The following PKD1L1 variants were observed in gnomAD, a reference collection of about 807,000 sequenced individuals.
PKD1L1 encodes the protein polycystin 1 like 1, transient receptor potential channel interacting.
PKD1L1 carries 236 observed loss-of-function variants against 323.4 expected under a neutral mutation model. That is an observed-to-expected ratio of 0.73 (90% CI 0.66 to 0.81). The LOEUF (loss-of-function observed/expected upper bound fraction) is 0.81. Ranked by LOEUF, PKD1L1 falls within the 40% of genes least tolerant of loss-of-function variation. PKD1L1 has a pLI of 0.00. For synonymous variants in PKD1L1, 1,344 were observed against 1,335.0 expected, an observed-to-expected ratio of 1.01 and a Z score of -0.15; for missense variants, 3,320 against 3,508.0, an observed-to-expected ratio of 0.95 and a Z score of 1.35.
At position 47,815,453 on chromosome 7, in the gene PKD1L1, C is replaced by A. The variant is rs1212354971; in HGVS notation, c.6970G>T (p.Ala2324Ser). Residue 2324 changes from alanine (A) to serine (S), a missense_variant, in exon 47 of 57, where the codon GCC (alanine) becomes TCC (serine). Physicochemically the swap from Ala to Ser is moderately conservative, Grantham distance 99. Coordinates refer to ENST00000289672, the MANE Select transcript of PKD1L1 (RefSeq NM_138295.5). ...QAIRKEFTRN[A>S]RNCLGGLRNI... ...CTCAGGCCACCCAAGCAGTTTCTGG[C>A]ATTTCTTAATGCAAGAACAAAAATA... is the stretch of plus-strand genomic sequence containing the variant. 6.2e-7 allele frequency: 1 copy of A among 1,613,094 alleles called. No individual in the cohort carries two copies. The highest frequency in any genetic ancestry group is 8.5e-7 in the Non-Finnish European group (1 of 1,179,666).
At position 47,820,938 on chromosome 7, in the gene PKD1L1, G is replaced by A. The variant is rs1785126994; in HGVS notation, c.6965+138C>T. ...GTGTCCAAAGTCTGTGAATGGAAGGGGGTTTTATTACTACCAGGGAAATGG... is the reference window on the plus strand; with the variant it reads ...GTGTCCAAAGTCTGTGAATGGAAGGAGGTTTTATTACTACCAGGGAAATGG... On this transcript the variant is annotated intron_variant, in intron 46 of 56. Coordinates refer to ENST00000289672, the MANE Select transcript of PKD1L1 (RefSeq NM_138295.5). 5 of 581,740 alleles carry A rather than the reference G, an allele frequency of 8.6e-6. No individual in the cohort carries two copies. In the South Asian group the frequency reaches 1.0e-4, roughly 12 times the overall value. 36.0% of individuals were successfully genotyped at this position (581,740 alleles called of 1,614,324 possible).
the PKD1L1 span, among the ~76,000 whole-genome samples, chr7:47,960,384 A>AAT: frequency 3.0e-5 from 4 of 133,260 alleles, no homozygotes; most frequent in East Asian, 9.3e-4. Context: ...AATTAAAAAA[A>AAT]AAAAAAAAAA....
chr7:47,877,733 T>C, intron 21 of PKD1L1, 102 bp from the exon 22 acceptor site: 2 of 1,370,630 alleles, frequency 1.5e-6, no homozygotes, highest in Non-Finnish European at 2.0e-6. Flanking sequence ...GTTCTCAAAG[T>C]AGGGTCCCCA....
rs142115066 is a variant in PKD1L1 at position 47,839,458 on chromosome 7, G to A, written c.5757C>T (p.Leu1919=). The part of the protein sequence containing the change: ...ERELTCLQGG[L]GFRKLFYCKF... The stretch of plus-strand genomic sequence containing the variant: ...GGAGGGAGCCTACCTTCCGGAAGCC[G>A]AGTCCCCCTTGCAGACAGGTGAGCT... The change falls in exon 36 of 57, where the codon CTC becomes CTT. Residue 1919 remains leucine, a synonymous_variant. Coordinates refer to ENST00000289672, the MANE Select transcript of PKD1L1 (RefSeq NM_138295.5). This position sits in a 1 kb window ranked among gnomAD's most constrained non-coding sequence, Gnocchi z 4.3. 146 of 1,609,072 alleles carry A rather than the reference G, an allele frequency of 9.1e-5. 1 individual carries two copies. Among genetic ancestry groups the A allele is most frequent in the Middle Eastern group, 8.2e-4 (5 of 6,078 alleles).
intron 31 of PKD1L1, among the ~76,000 whole-genome samples, chr7:47,847,688 G>A (rs910406025): frequency 2.0e-5 from 3 of 152,070 alleles, no homozygotes; most frequent in Admixed American, 2.0e-4. Flanking sequence ...AAAAATATGG[G>A]CACCTCATGC....
chr7:47,905,217 T>C lies in PKD1L1; in HGVS notation c.1631A>G (p.Glu544Gly). 6.2e-7 allele frequency: 1 copy of C among 1,614,162 alleles called. No homozygotes were observed. The highest frequency in any genetic ancestry group is 8.5e-7 in the Non-Finnish European group (1 of 1,180,028). Residue 544 changes from glutamate to glycine, a missense_variant, in exon 11 of 57, where the codon GAG becomes GGG. Transcript: ENST00000289672. The stretch of plus-strand genomic sequence containing the variant: ...TGAAGTTGTCCTCACTGGTGGATCC[T>C]CTCCAAAATACCACTCAAATTCCAG... ...IPLEFEWYFG[E>G]DPPVRTTSRS...
chr7:47,813,689 A>C, intron 48 of PKD1L1: 1 of 650,028 alleles, frequency 1.5e-6, no homozygotes, highest in Non-Finnish European at 2.8e-6. Context: ...CTAAGGCCAA[A>C]GAGTGAATTG....
rs745790392 is a variant in PKD1L1, at chr7:47,932,061, A to T, written c.399-5T>A. ...ATGAAAGGTTTGTGGGGAATTCTGTATGGGAAGGAAAGTGCAGAAAGAAAA... is the reference window on the plus strand; with the variant it reads ...ATGAAAGGTTTGTGGGGAATTCTGTTTGGGAAGGAAAGTGCAGAAAGAAAA... On this transcript the variant is annotated splice_region_variant and splice_polypyrimidine_tract_variant and intron_variant, in intron 4 of 56. Coordinates refer to ENST00000289672, the MANE Select transcript of PKD1L1 (RefSeq NM_138295.5). 10 of 1,602,462 alleles carry T rather than the reference A, an allele frequency of 6.2e-6. No homozygotes were observed. The highest frequency in any genetic ancestry group is 8.5e-6 in the Non-Finnish European group (10 of 1,174,034).
chr7:47,954,102 CACA>C, the PKD1L1 span, among the ~76,000 whole-genome samples: 3 of 152,164 alleles, frequency 2.0e-5, no homozygotes, highest in Admixed American at 2.0e-4. Flanking sequence ...GCTGTCTGGT[CACA>C]AGGTTTGAGC....
At chr7:47,949,906 G>A (rs1297857142), upstream of PKD1L1, among the ~76,000 whole-genome samples, 4 of 152,142 alleles carry the variant, frequency 2.6e-5, no homozygotes, top group Non-Finnish European at 2.9e-5. Context: ...GGGGCCTGCT[G>A]TTGACCTAAC....
upstream of PKD1L1, among the ~76,000 whole-genome samples, chr7:47,953,223 A>G (rs1217213487): frequency 6.6e-6 from 1 of 152,254 alleles, no homozygotes; most frequent in African/African-American, 2.4e-5. Flanking sequence ...TAAGAAAAGC[A>G]TAACACATGT....
rs748496057 is a variant in PKD1L1, at chr7:47,865,238, T to C, written c.4127A>G (p.Asp1376Gly). 1.9e-6 allele frequency: 3 copies of C among 1,613,220 alleles called. No individual in the cohort carries two copies. The South Asian group carries it at 3.3e-5, about 18-fold the overall frequency. The change falls in exon 26 of 57, where the codon GAC (aspartate) becomes GGC (glycine). Residue 1376 changes from aspartate (D) to glycine (G), a missense_variant. Coordinates refer to ENST00000289672, the MANE Select transcript of PKD1L1 (RefSeq NM_138295.5). ...TACCTTATTAGAGAAGCTCACGAGGTCCCTCAACATAAGAACAGAACCAAT... is the reference window on the plus strand; with the variant it reads ...TACCTTATTAGAGAAGCTCACGAGGCCCCTCAACATAAGAACAGAACCAAT... ...EMIGSVLMLR[D>G]LVSFSNKLGF...
At chr7:47,877,128 G>A (rs1159215181) in intron 22 of PKD1L1, among the ~76,000 whole-genome samples, 2 of 152,038 alleles carry the variant, frequency 1.3e-5, no homozygotes, top group African/African-American at 2.4e-5. Flanking sequence ...TGCCTGGGGA[G>A]GGAAAGGGCC....
intron 2 of PKD1L1, among the ~76,000 whole-genome samples, chr7:47,943,157 AAAAAAAATATATATATAT>A (rs1282213996): frequency 1.5e-5 from 1 of 65,484 alleles, no homozygotes; most frequent in African/African-American, 6.1e-5. Flanking sequence ...AAAAAAAAAA[AAAAAAAATATATATATAT>A]ATATATATAT....
At chr7:47,888,847 T>G (rs951835437) in intron 16 of PKD1L1, among the ~76,000 whole-genome samples, 5 of 152,124 alleles carry the variant, frequency 3.3e-5, no homozygotes. Context: ...TCATAATATC[T>G]CGGGGGTGGT....
At chr7:47,803,188 T>C (rs892272150) in intron 53 of PKD1L1, 22 bp downstream of exon 53, 43 of 1,613,636 alleles carry the variant, frequency 2.7e-5, no homozygotes, top group Non-Finnish European at 3.5e-5. Context: ...GGAAATCACC[T>C]GATAAAGGGG....
At chr7:47,917,419 G>A (rs1227826580) in intron 7 of PKD1L1, among the ~76,000 whole-genome samples, 1 of 152,116 alleles carries the variant, frequency 6.6e-6, no homozygotes, top group Non-Finnish European at 1.5e-5. Context: ...GAATGATTGA[G>A]GGGAATAAAC....
At chr7:47,826,203 T>G (rs1187453930) in intron 45 of PKD1L1, among the ~76,000 whole-genome samples, 3 of 152,214 alleles carry the variant, frequency 2.0e-5, no homozygotes, top group African/African-American at 7.2e-5. Context: ...GTTCCGTAGC[T>G]GCTAAGCTAT....
intron 56 of PKD1L1, among the ~76,000 whole-genome samples, chr7:47,787,371 T>C (rs1015705748): frequency 2.6e-5 from 4 of 152,192 alleles, no homozygotes; most frequent in Non-Finnish European, 4.4e-5. Context: ...CGTTGTGTTT[T>C]CCTGTGGAAT....
Sources: gnomAD v4.1 joint callset for allele counts (sites outside exome capture counted in the v4.1 genomes callset) on GRCh38, gnomAD v4.1.1 for gene constraint, Gnocchi (gnomAD v3.1) non-coding constraint, MANE v1.5 for transcripts, NCBI Gene and HGNC (gene_info 2026-07-23, HGNC 2026-07-21) for gene names.